PDE1A: variants seen among roughly 807,000 people sequenced by gnomAD.
PDE1A encodes the protein dual specificity calcium/calmodulin-dependent 3',5'-cyclic nucleotide phosphodiesterase 1A.
A neutral mutation model predicts 61.7 loss-of-function variants in PDE1A; 35 were observed. The ratio of observed to expected loss-of-function variants is 0.57; its 90% CI spans 0.43 to 0.75. The LOEUF is 0.75. PDE1A is among the 30% of genes least tolerant of loss of function. The probability of loss-of-function intolerance (pLI) is 0.00; values close to 1 mark genes in which losing one functional copy is unlikely to be tolerated. For missense variants in PDE1A, 597 were observed against 630.6 expected (o/e 0.95, Z 0.57); for synonymous variants, 232 against 213.2 (o/e 1.09, Z -0.77).
chr2:182,277,423 A>C (rs1693502603), intron 1 of PDE1A, among the ~76,000 whole-genome samples: 1 of 152,108 alleles, frequency 6.6e-6, no homozygotes, highest in Non-Finnish European at 1.5e-5. Context: ...GAATGCCATC[A>C]TCCATTTGAA....
the PDE1A span, among the ~76,000 whole-genome samples, chr2:182,603,041 G>A: frequency 4.6e-5 from 6 of 129,312 alleles, no homozygotes; most frequent in South Asian, 1.3e-3. Flanking sequence ...ATACATACCA[G>A]TTTGGTGGGG....
At chr2:182,596,916 G>T in the PDE1A span, among the ~76,000 whole-genome samples, 1 of 152,182 alleles carries the variant, frequency 6.6e-6, no homozygotes, top group Non-Finnish European at 1.5e-5. Context: ...CACTTTGGGA[G>T]GCTGAGGCAG....
At chr2:182,178,736 C>T (rs1684498737) in intron 13 of PDE1A, among the ~76,000 whole-genome samples, 1 of 152,008 alleles carries the variant, frequency 6.6e-6, no homozygotes, top group Non-Finnish European at 1.5e-5. Flanking sequence ...CAGTCAACCC[C>T]AGTGACTCTG....
the PDE1A span, among the ~76,000 whole-genome samples, chr2:182,568,418 C>T: frequency 6.6e-6 from 1 of 152,214 alleles, no homozygotes; most frequent in African/African-American, 2.4e-5. Context: ...GTGGCTCACG[C>T]CTGTAATCCC....
the PDE1A span, among the ~76,000 whole-genome samples, chr2:182,643,915 A>C: frequency 3.9e-5 from 6 of 152,094 alleles, no homozygotes; most frequent in African/African-American, 1.4e-4. Context: ...TAGGCCAGGA[A>C]TTCAGCCAAG....
downstream of PDE1A, among the ~76,000 whole-genome samples, chr2:182,167,663 T>G (rs923791027): frequency 6.6e-6 from 1 of 152,074 alleles, no homozygotes; most frequent in African/African-American, 2.4e-5. Flanking sequence ...TCTTCCCAAT[T>G]TGCAAACTGA....
the PDE1A span, among the ~76,000 whole-genome samples, chr2:182,626,134 GAGACTGT>G: frequency 3.9e-5 from 6 of 152,178 alleles, no homozygotes; most frequent in African/African-American, 1.4e-4. Flanking sequence ...GACTGAAAAT[GAGACTGT>G]AGCTTGACAC....
chr2:182,572,538 C>T, the PDE1A span, among the ~76,000 whole-genome samples: 2 of 152,170 alleles, frequency 1.3e-5, no homozygotes, highest in African/African-American at 4.8e-5. Context: ...AAATTTTCTA[C>T]TTCATTGTAA....
intron 2 of PDE1A, among the ~76,000 whole-genome samples, chr2:182,452,332 T>C (rs1284747691): frequency 1.3e-5 from 2 of 152,110 alleles, no homozygotes; most frequent in East Asian, 3.9e-4. Flanking sequence ...CAGCATATTT[T>C]ACATGCACCT....
chr2:182,326,138 GA>G (rs1697032305), intron 1 of PDE1A, among the ~76,000 whole-genome samples: 4 of 152,100 alleles, frequency 2.6e-5, no homozygotes, highest in Admixed American at 2.6e-4. Flanking sequence ...AAAAAGAACA[GA>G]AAATAAGTGT....
At chr2:182,671,625 T>TC in the PDE1A span, among the ~76,000 whole-genome samples, 2 of 145,696 alleles carry the variant, frequency 1.4e-5, no homozygotes, top group East Asian at 2.0e-4. Flanking sequence ...CTTTTTCTTT[T>TC]TTTTTTTTTT....
the PDE1A span, among the ~76,000 whole-genome samples, chr2:182,549,370 A>C: frequency 6.6e-6 from 1 of 152,150 alleles, no homozygotes; most frequent in Non-Finnish European, 1.5e-5. Context: ...AAAACCAATA[A>C]TTCTAAAAGA....
chr2:182,654,241 C>T, the PDE1A span, among the ~76,000 whole-genome samples: 1 of 152,238 alleles, frequency 6.6e-6, no homozygotes, highest in African/African-American at 2.4e-5. Flanking sequence ...GCACCCACCA[C>T]TTGGTTAAGT....
downstream of PDE1A, among the ~76,000 whole-genome samples, chr2:182,145,442 A>C (rs1175278707): frequency 6.6e-6 from 1 of 152,084 alleles, no homozygotes; most frequent in East Asian, 1.9e-4. Context: ...CAAATGCAAA[A>C]AGGGGCCGGG....
intron 1 of PDE1A, among the ~76,000 whole-genome samples, chr2:182,305,479 C>T (rs1333548210): frequency 6.6e-6 from 1 of 152,150 alleles, no homozygotes; most frequent in Non-Finnish European, 1.5e-5. Context: ...CTATAGTTTG[C>T]TGATCCCTGC....
intron 1 of PDE1A, among the ~76,000 whole-genome samples, chr2:182,285,612 A>G (rs1694104413): frequency 6.6e-6 from 1 of 152,156 alleles, no homozygotes; most frequent in Non-Finnish European, 1.5e-5. Flanking sequence ...GACTTTGACA[A>G]TATGAGTTAC....
At chr2:182,203,677 A>G (rs1686861261) in intron 8 of PDE1A, among the ~76,000 whole-genome samples, 1 of 152,138 alleles carries the variant, frequency 6.6e-6, no homozygotes, top group African/African-American at 2.4e-5. Context: ...TAATATGTCA[A>G]TAATTAGGCA....
chr2:182,557,067 G>A, the PDE1A span, among the ~76,000 whole-genome samples: 2 of 152,240 alleles, frequency 1.3e-5, no homozygotes, highest in South Asian at 4.2e-4. Flanking sequence ...GGCCGAGGCG[G>A]GTGGATCACC....
chr2:182,159,951 T>C (rs1425140173), intron 13 of PDE1A, among the ~76,000 whole-genome samples: 1 of 152,160 alleles, frequency 6.6e-6, no homozygotes, highest in Non-Finnish European at 1.5e-5. Context: ...AAACCCTGTC[T>C]CAAATTAAAA....
Sources: gnomAD v4.1 joint callset for allele counts (sites outside exome capture counted in the v4.1 genomes callset) on GRCh38, gnomAD v4.1.1 for gene constraint, MANE v1.5 for transcripts, NCBI Gene and HGNC (gene_info 2026-07-23, HGNC 2026-07-21) for gene names.